Variants in OR4C6 observed in about 807,000 individuals in gnomAD.
The protein encoded by OR4C6 is olfactory receptor 4C6.
In OR4C6, 20 loss-of-function variants were observed where a neutral mutation model predicts 13.9. The observed-to-expected ratio is 1.43, with a 90% CI of 1.01 to 2.08. OR4C6 has a LOEUF of 2.08. OR4C6 is among the 30% of genes most tolerant of loss of function. The probability of loss-of-function intolerance (pLI) is 0.00; values close to 1 mark genes in which losing one functional copy is unlikely to be tolerated. For synonymous variants in OR4C6, 193 were observed against 141.5 expected, an observed-to-expected ratio of 1.36 and a Z score of -2.58; for missense variants, 555 against 381.2, an observed-to-expected ratio of 1.46 and a Z score of -3.80.
chr11:55,664,946 G>C (rs566129292), intron 1 of OR4C6, among the ~76,000 whole-genome samples, 179 bp from the exon 2 acceptor site: 5 of 151,960 alleles, frequency 3.3e-5, no homozygotes, highest in African/African-American at 4.8e-5. Flanking sequence ...GAAAAGGCTT[G>C]GGGAAGCCTT....
Position 55,665,711 on chromosome 11 carries a change from T to C in OR4C6, c.545T>C (p.Leu182Ser). The C allele has an allele frequency of 6.2e-7, 1 of 1,613,958 alleles. No individual in the cohort carries two copies. The highest frequency in any genetic ancestry group is 8.5e-7 in the Non-Finnish European group (1 of 1,179,990). The stretch of plus-strand genomic sequence containing the variant: ...CACTTTATATGTGATTTGTTTCAGT[T>C]GTTGACACTTGCCTGCACGGACACC... ...IDHFICDLFQ[L>S]LTLACTDTHI... is the part of the protein sequence containing the mutation. Residue 182 changes from leucine (L) to serine (S), a missense_variant, in exon 2 of 2, where the codon TTG becomes TCG. Physicochemically the swap from Leu to Ser is moderately radical, Grantham distance 145 (BLOSUM62 -2). Coordinates refer to ENST00000314259, the MANE Select transcript of OR4C6 (RefSeq NM_001004704.2).
rs751685432 is a variant in OR4C6, at chr11:55,665,170, GA to G, written c.8del (p.Asn3IlefsTer5). 9.4e-6 allele frequency: 15 copies of G among 1,601,782 alleles called. No homozygotes were observed. Among genetic ancestry groups the G allele is most frequent in the Non-Finnish European group, 1.3e-5 (15 of 1,172,100 alleles). ...AACTCATATCAACACCTGAGAAATGGAAAATCAAAACAATGTGACTGAATTC... is the reference window on the plus strand; with the variant it reads ...AACTCATATCAACACCTGAGAAATGGAAATCAAAACAATGTGACTGAATTC... M[E>X]NQNNVTEFIL... is the part of the protein sequence containing the mutation. On this transcript the variant is annotated frameshift_variant, in exon 2 of 2. Coordinates refer to ENST00000314259, the MANE Select transcript of OR4C6 (RefSeq NM_001004704.2). LOFTEE classifies it high-confidence loss of function.
At position 55,666,076 on chromosome 11, in the gene OR4C6, G is replaced by T; in HGVS notation, c.910G>T (p.Glu304Ter). The change falls in exon 2 of 2, where the codon GAG (glutamate) becomes TAG (stop). Residue 304 changes from glutamate (E) to a stop codon, truncating the protein, a stop_gained. Transcript: ENST00000314259. LOFTEE classifies it high-confidence loss of function. Reference sequence around the variant, plus strand: ...CATGAAGAAACTCTGGATGAAATGGGAGGCTTTGGCTGGGAAATAACTGCA... The same window carrying T: ...CATGAAGAAACTCTGGATGAAATGGTAGGCTTTGGCTGGGAAATAACTGCA... ...SAMKKLWMKW[E>*]ALAGK 1 of 1,611,640 alleles carries T rather than the reference G, an allele frequency of 6.2e-7. No homozygotes were observed. Among genetic ancestry groups the T allele is most frequent in the African/African-American group, 1.3e-5 (1 of 74,820 alleles).
rs766558515 is a variant in OR4C6, at chr11:55,664,970, A to T, written c.-42-155A>T. On this transcript the variant is annotated intron_variant, in intron 1 of 1. Transcript: ENST00000314259. ...TGGGGAAGCCTTGCATAAATAAAGT[A>T]TTTCCCTTTTAAATTATTTATTTAG... 4.7e-4 allele frequency among the ~76,000 whole-genome samples: 72 copies of T among 152,062 alleles called. 1 individual carries two copies. The highest frequency in any genetic ancestry group is 7.8e-4 in the Non-Finnish European group (53 of 68,016).
intron 1 of OR4C6, among the ~76,000 whole-genome samples, chr11:55,664,167 G>A (rs571853856): frequency 6.6e-6 from 1 of 152,014 alleles, no homozygotes; most frequent in East Asian, 1.9e-4. Context: ...AGTAGTATAG[G>A]TACCTACCTC....
rs548388691 is a variant in OR4C6, at chr11:55,665,437, T to C, written c.271T>C (p.Ser91Pro). ...VDTLSKSTTI[S>P]LKGCLTQLFV... Reference sequence around the variant, plus strand: ...CACCCTCTCCAAGAGCACTACCATCTCTCTCAAAGGCTGCCTCACCCAGCT... The same window carrying C: ...CACCCTCTCCAAGAGCACTACCATCCCTCTCAAAGGCTGCCTCACCCAGCT... The change falls in exon 2 of 2, where the codon TCT becomes CCT. Residue 91 changes from serine (S) to proline (P), a missense_variant. Coordinates refer to ENST00000314259, the MANE Select transcript of OR4C6 (RefSeq NM_001004704.2). The C allele has an allele frequency of 8.3e-5, 134 of 1,613,794 alleles. 2 individuals are homozygous for C. Among genetic ancestry groups the C allele is most frequent in the South Asian group, 4.6e-4 (42 of 91,076 alleles).
chr11:55,665,086 A>G, intron 1 of OR4C6, 39 bp from the exon 2 acceptor site: 1 of 900,566 alleles, frequency 1.1e-6, no homozygotes, highest in South Asian at 1.6e-5. Context: ...CAAGAAGCCA[A>G]ATTAGTCACT....
rs146965889 is a variant in OR4C6 at position 55,665,524 on chromosome 11, C to T, written c.358C>T (p.Arg120Cys). The T allele has an allele frequency of 6.3e-5, 101 of 1,613,760 alleles. 2 individuals are homozygous for T. The Middle Eastern group carries it at 9.9e-4, about 16-fold the overall frequency. The change falls in exon 2 of 2, where the codon CGC becomes TGC. Residue 120 changes from arginine to cysteine, a missense_variant. Coordinates refer to ENST00000314259, the MANE Select transcript of OR4C6 (RefSeq NM_001004704.2). ...IILLTVMAYD[R>C]YVAICKPLHY... is the part of the protein sequence containing the mutation. Reference sequence around the variant, plus strand: ...CCTCCTCACTGTGATGGCCTATGACCGCTACGTGGCCATCTGTAAGCCCCT... The same window carrying T: ...CCTCCTCACTGTGATGGCCTATGACTGCTACGTGGCCATCTGTAAGCCCCT...
Position 55,665,842 on chromosome 11 carries a change from T to C in OR4C6, c.676T>C (p.Tyr226His). The C allele has an allele frequency of 3.7e-6, 6 of 1,613,942 alleles. No individual in the cohort carries two copies. The highest frequency in any genetic ancestry group is 1.3e-5 in the African/African-American group (1 of 74,886). Residue 226 changes from tyrosine (Y) to histidine (H), a missense_variant, in exon 2 of 2, where the codon TAC becomes CAC. Coordinates refer to ENST00000314259, the MANE Select transcript of OR4C6 (RefSeq NM_001004704.2). ...YTVILCSLKS[Y>H]SSKGRHKALS... ...GGTCATCCTATGCTCCCTGAAGTCT[T>C]ACAGCTCTAAAGGGCGGCACAAAGC... is the stretch of plus-strand genomic sequence containing the variant.
chr11:55,663,406 T>C lies in OR4C6; in HGVS notation c.-43+1158T>C, dbSNP rs1858694234. Among the ~76,000 whole-genome samples the C allele has an allele frequency of 1.5e-5, 2 of 137,810 alleles. 1 individual carries two copies. The highest frequency in any genetic ancestry group is 3.2e-5 in the Non-Finnish European group (2 of 62,176). The allele number at this position is 137,810 out of a possible 152,430, so 90.4% of individuals were successfully genotyped here. A position where few individuals can be genotyped will look rare whatever the true frequency, so the allele number is the denominator to read the frequency against. On this transcript the variant is annotated intron_variant, in intron 1 of 1. Coordinates refer to ENST00000314259, the MANE Select transcript of OR4C6 (RefSeq NM_001004704.2). Reference sequence around the variant, plus strand: ...CAGACAGGGCATATATATTCTAGAATAGCGGCTTTCATTTTTCTGAACATG... The same window carrying C: ...CAGACAGGGCATATATATTCTAGAACAGCGGCTTTCATTTTTCTGAACATG...
rs1235662923 is a variant in OR4C6 at position 55,663,676 on chromosome 11, C to T, written c.-43+1428C>T. On this transcript the variant is annotated intron_variant, in intron 1 of 1. Transcript: ENST00000314259. ...TGTCATTTATTGACTCCCAAGCCAG[C>T]GTTCCTTTAACTTCACAAGGATTGT... 2.2e-5 allele frequency among the ~76,000 whole-genome samples: 3 copies of T among 137,956 alleles called. 1 individual carries two copies. Among genetic ancestry groups the T allele is most frequent in the Non-Finnish European group, 4.8e-5 (3 of 62,224 alleles). 90.5% of individuals were successfully genotyped at this position (137,956 alleles called of 152,430 possible). A position where few individuals can be genotyped will look rare whatever the true frequency, so the allele number is the denominator to read the frequency against.
Position 55,665,410 on chromosome 11 carries a change from G to A in OR4C6, c.244G>A (p.Asp82Asn). 1 of 1,613,762 alleles carries A rather than the reference G, an allele frequency of 6.2e-7. No homozygotes were observed. The highest frequency in any genetic ancestry group is 1.1e-5 in the South Asian group (1 of 91,082). The change falls in exon 2 of 2, where the codon GAC becomes AAC. Residue 82 changes from aspartate to asparagine, a missense_variant. By Grantham distance (23) the Asp-to-Asn change is conservative. Transcript: ENST00000314259. ...TGTCGTTGCCCCCAAGGTGATTGTA[G>A]ACACCCTCTCCAAGAGCACTACCAT... ...SSVVAPKVIVDTLSKSTTISL... is the reference protein window; with the variant it reads ...SSVVAPKVIVNTLSKSTTISL...
In OR4C6 at chr11:55,665,994, C is replaced by T. The variant is rs749344434; in HGVS notation, c.828C>T (p.Ile276=). 2.5e-6 allele frequency: 4 copies of T among 1,613,634 alleles called. No individual in the cohort carries two copies. The highest frequency in any genetic ancestry group is 3.4e-6 in the Non-Finnish European group (4 of 1,179,736). ...DKAMAVSDSI[I]TPMLNPLIYT... ...CAATGGCTGTGTCAGACTCAATCAT[C>T]ACACCCATGTTAAATCCCTTGATCT... The change falls in exon 2 of 2, where the codon ATC becomes ATT. Residue 276 remains isoleucine, a synonymous_variant. Transcript: ENST00000314259.
At chr11:55,663,773 T>C (rs556330918) in intron 1 of OR4C6, among the ~76,000 whole-genome samples, 1 of 89,488 alleles carries the variant, frequency 1.1e-5, no homozygotes, top group African/African-American at 3.0e-5. Flanking sequence ...ACTTCCACAG[T>C]TTCCTGTGGT....
Position 55,665,438 on chromosome 11 carries a change from C to G in OR4C6, c.272C>G (p.Ser91Cys). 1 of 1,613,846 alleles carries G rather than the reference C, an allele frequency of 6.2e-7. No individual in the cohort carries two copies. Among genetic ancestry groups the G allele is most frequent in the Non-Finnish European group, 8.5e-7 (1 of 1,179,984 alleles). The change falls in exon 2 of 2, where the codon TCT becomes TGT. Residue 91 changes from serine to cysteine, a missense_variant. Physicochemically the swap from Ser to Cys is moderately radical, Grantham distance 112. Transcript: ENST00000314259. ...ACCCTCTCCAAGAGCACTACCATCTCTCTCAAAGGCTGCCTCACCCAGCTG... is the reference window on the plus strand; with the variant it reads ...ACCCTCTCCAAGAGCACTACCATCTGTCTCAAAGGCTGCCTCACCCAGCTG... Reference protein sequence around the residue: ...VDTLSKSTTISLKGCLTQLFV... With the variant: ...VDTLSKSTTICLKGCLTQLFV...
In OR4C6 at chr11:55,666,060, A is replaced by G; in HGVS notation, c.894A>G (p.Lys298=). Residue 298 remains lysine (K), a synonymous_variant, in exon 2 of 2, where the codon AAA becomes AAG. Coordinates refer to ENST00000314259, the MANE Select transcript of OR4C6 (RefSeq NM_001004704.2). ...RNAEVKSAMK[K]LWMKWEALAG... ...CAGAGGTGAAAAGTGCCATGAAGAA[A>G]CTCTGGATGAAATGGGAGGCTTTGG... 5 of 1,613,012 alleles carry G rather than the reference A, an allele frequency of 3.1e-6. No individual in the cohort carries two copies. Among genetic ancestry groups the G allele is most frequent in the Non-Finnish European group, 3.4e-6 (4 of 1,179,588 alleles).
At chr11:55,663,409 C>A (rs949475658) in intron 1 of OR4C6, among the ~76,000 whole-genome samples, 1 of 137,750 alleles carries the variant, frequency 7.3e-6, no homozygotes, top group African/African-American at 2.5e-5. Context: ...TCTAGAATAG[C>A]GGCTTTCATT....
intron 1 of OR4C6, among the ~76,000 whole-genome samples, chr11:55,663,662 G>A (rs1419201371): frequency 7.2e-6 from 1 of 138,004 alleles, no homozygotes; most frequent in East Asian, 2.4e-4. Flanking sequence ...GTCATTTATT[G>A]ACTCCCAAGC....
chr11:55,665,792 T>C lies in OR4C6; in HGVS notation c.626T>C (p.Phe209Ser), dbSNP rs1565078820. ...AGTGGGATGATGTGTGTGGCCATCT[T>C]TCTTATCTTAATTGCGTCCTACACG... is the stretch of plus-strand genomic sequence containing the variant. ...LNSGMMCVAI[F>S]LILIASYTVI... The change falls in exon 2 of 2, where the codon TTT (phenylalanine) becomes TCT (serine). Residue 209 changes from phenylalanine to serine, a missense_variant. Physicochemically the swap from Phe to Ser is radical, Grantham distance 155. Coordinates refer to ENST00000314259, the MANE Select transcript of OR4C6 (RefSeq NM_001004704.2). 2.5e-6 allele frequency: 4 copies of C among 1,613,960 alleles called. No homozygotes were observed. Among genetic ancestry groups the C allele is most frequent in the Non-Finnish European group, 3.4e-6 (4 of 1,180,014 alleles).
Sources: allele counts gnomAD v4.1 joint callset (sites outside exome capture counted in the v4.1 genomes callset), GRCh38; gene constraint gnomAD v4.1.1; transcripts MANE v1.5; gene names NCBI Gene and HGNC (gene_info 2026-07-23, HGNC 2026-07-21).